GRM1: variants seen among roughly 807,000 people sequenced by gnomAD.
GRM1 encodes glutamate metabotropic receptor 1.
Under a neutral mutation model 90.9 loss-of-function variants are expected in GRM1, and 33 were observed. The ratio of observed to expected loss-of-function variants is 0.36; its 90% CI spans 0.28 to 0.49. GRM1 has a LOEUF of 0.49. GRM1 is among the 20% of genes least tolerant of loss of function. The pLI is 0.99. For missense variants in GRM1, 1,190 were observed against 1,534.3 expected (o/e 0.78, Z 3.75); for synonymous variants, 700 against 613.2 (o/e 1.14, Z -2.09).
intron 2 of GRM1, among the ~76,000 whole-genome samples, chr6:146,252,119 G>T (rs1171513619): frequency 3.9e-5 from 6 of 151,914 alleles, no homozygotes; most frequent in Admixed American, 3.3e-4. Context: ...TTGCTGTCAA[G>T]AATTAGATAT....
chr6:146,032,708 G>A (rs2128836183), intron 1 of GRM1, among the ~76,000 whole-genome samples: 1 of 152,136 alleles, frequency 6.6e-6, no homozygotes, highest in Middle Eastern at 3.4e-3. Context: ...GAAATTCTGG[G>A]GCCTCTCGTG....
chr6:146,353,488 G>A (rs965496111), intron 4 of GRM1, among the ~76,000 whole-genome samples: 1 of 152,104 alleles, frequency 6.6e-6, no homozygotes, highest in Non-Finnish European at 1.5e-5. Context: ...AATAAAACTG[G>A]GTATCAGAGA....
chr6:146,408,518 G>A (rs1213328182), intron 7 of GRM1, among the ~76,000 whole-genome samples: 2 of 152,262 alleles, frequency 1.3e-5, no homozygotes, highest in African/African-American at 2.4e-5. Flanking sequence ...CTCAATAATT[G>A]TTAGCCCGTG....
At chr6:146,333,707 A>G (rs1162954081) in intron 3 of GRM1, among the ~76,000 whole-genome samples, 2 of 152,144 alleles carry the variant, frequency 1.3e-5, no homozygotes, top group African/African-American at 4.8e-5. Flanking sequence ...GGCCTTTACT[A>G]TAAAGACCTG....
intron 5 of GRM1, among the ~76,000 whole-genome samples, chr6:146,378,403 G>T (rs904584025): frequency 1.3e-5 from 2 of 152,200 alleles, no homozygotes; most frequent in Non-Finnish European, 2.9e-5. Flanking sequence ...AAGCCACAGG[G>T]GTGGAGCTGC....
intron 1 of GRM1, among the ~76,000 whole-genome samples, chr6:146,084,913 T>C (rs1776490018): frequency 6.6e-6 from 1 of 151,938 alleles, no homozygotes; most frequent in Non-Finnish European, 1.5e-5. Flanking sequence ...TTATGAATTT[T>C]CCTATTTTTT....
intron 6 of GRM1, among the ~76,000 whole-genome samples, chr6:146,397,917 C>T (rs1777024494): frequency 6.6e-6 from 1 of 152,190 alleles, no homozygotes; most frequent in South Asian, 2.1e-4. Context: ...TTTATTCTCA[C>T]AATTTGGGAA....
At chr6:146,171,445 T>C (rs1437365318) in intron 2 of GRM1, 1 of 164,108 alleles carries the variant, frequency 6.1e-6, no homozygotes, top group Non-Finnish European at 1.4e-5. Flanking sequence ...CTCTGGATCT[T>C]GCAGAATTTG....
chr6:146,275,061 A>G (rs1782304669), intron 2 of GRM1, among the ~76,000 whole-genome samples: 1 of 152,172 alleles, frequency 6.6e-6, no homozygotes, highest in Admixed American at 6.6e-5. Flanking sequence ...AATTAAAAAG[A>G]AAAAGATGGC....
rs371570961 is a variant in GRM1, at chr6:146,338,865, C to T, written c.1187-13385C>T. 2.7e-4 allele frequency among the ~76,000 whole-genome samples: 41 copies of T among 152,276 alleles called. No individual in the cohort carries two copies. In the East Asian group the frequency reaches 7.1e-3, roughly 27 times the overall value. ...CACTATCAATACCAATGCTACTTAG[C>T]AGCCCCTTCCTCCTTCTTCTCTTCT... On this transcript the variant is annotated intron_variant, in intron 3 of 7. Coordinates refer to ENST00000282753, the MANE Select transcript of GRM1 (RefSeq NM_001278064.2).
intron 2 of GRM1, among the ~76,000 whole-genome samples, chr6:146,273,998 T>A (rs1782263509): frequency 6.6e-6 from 1 of 152,244 alleles, no homozygotes; most frequent in Non-Finnish European, 1.5e-5. Context: ...TGCATAGGAA[T>A]AAAACATGTA....
intron 7 of GRM1, among the ~76,000 whole-genome samples, chr6:146,424,475 G>A (rs1246620189): frequency 6.6e-6 from 1 of 152,256 alleles, no homozygotes; most frequent in Non-Finnish European, 1.5e-5. Flanking sequence ...GCTGCAAGAT[G>A]TGGGCCATGT....
chr6:146,087,390 G>T (rs548625750), intron 1 of GRM1, among the ~76,000 whole-genome samples: 1 of 152,178 alleles, frequency 6.6e-6, no homozygotes, highest in South Asian at 2.1e-4. Context: ...TAACATTGGC[G>T]TTGGTAAAAT....
chr6:146,426,524 C>T (rs765234532), intron 7 of GRM1: 7 of 1,591,322 alleles, frequency 4.4e-6, no homozygotes, highest in East Asian at 4.6e-5. Flanking sequence ...ATAACCCCCT[C>T]GCTCACTGGG....
intron 2 of GRM1, among the ~76,000 whole-genome samples, chr6:146,282,492 T>C (rs1782605820): frequency 6.6e-6 from 1 of 151,252 alleles, no homozygotes; most frequent in Non-Finnish European, 1.5e-5. Flanking sequence ...AAAGAAAAGA[T>C]GAAGGAAGGA....
In GRM1 at chr6:146,434,377, G is replaced by A. The variant is rs764076166; in HGVS notation, c.3166G>A (p.Gly1056Ser). 7 of 1,613,174 alleles carry A rather than the reference G, an allele frequency of 4.3e-6. No homozygotes were observed. Among genetic ancestry groups the A allele is most frequent in the African/African-American group, 2.7e-5 (2 of 74,942 alleles). The change falls in exon 8 of 8, where the codon GGT (glycine) becomes AGT (serine). Residue 1056 changes from glycine to serine, a missense_variant. By Grantham distance (56) the Gly-to-Ser change is moderately conservative. Around this residue, in one of 10 missense-constraint regions of GRM1, gnomAD observed 400 missense variants for 360.8 expected, o/e 1.11. Transcript: ENST00000282753. ...PDFHAVLAGP[G>S]GPGNGLRSLY... ...TTTTCACGCGGTGCTGGCAGGCCCC[G>A]GTGGTCCCGGGAACGGGCTGCGGTC... is the stretch of plus-strand genomic sequence containing the variant.
intron 3 of GRM1, among the ~76,000 whole-genome samples, chr6:146,346,358 T>G (rs1785191058): frequency 6.6e-6 from 1 of 152,250 alleles, no homozygotes; most frequent in African/African-American, 2.4e-5. Context: ...ACCGTGATAA[T>G]AACATGTGCT....
chr6:146,411,339 AG>A (rs1414260793), intron 7 of GRM1, among the ~76,000 whole-genome samples: 6 of 152,326 alleles, frequency 3.9e-5, no homozygotes, highest in African/African-American at 1.4e-4. Flanking sequence ...CGGGAAAAAA[AG>A]CACTCACAGA....
chr6:146,163,938 G>C (rs1777822342), intron 2 of GRM1, among the ~76,000 whole-genome samples: 1 of 151,974 alleles, frequency 6.6e-6, no homozygotes, highest in South Asian at 2.1e-4. Context: ...ACTTTACAAT[G>C]TCATTCTCTT....
Sources: gnomAD v4.1 joint callset for allele counts (sites outside exome capture counted in the v4.1 genomes callset) on GRCh38, gnomAD v4.1.1 for gene constraint, gnomAD v4.1.1 regional missense constraint, MANE v1.5 for transcripts, NCBI Gene and HGNC (gene_info 2026-07-23, HGNC 2026-07-21) for gene names.